Variants in FGD4 observed in about 807,000 individuals in gnomAD.
FGD4 encodes FYVE, RhoGEF and PH domain-containing protein 4.
A neutral mutation model predicts 102.0 loss-of-function variants in FGD4; 42 were observed. That is an observed-to-expected ratio of 0.41 (90% CI 0.32 to 0.53). The LOEUF is 0.53. Among genes scored for constraint, FGD4 ranks in the 20% least tolerant of loss-of-function variants. The pLI, the probability that FGD4 is intolerant of heterozygous loss-of-function variation, is 0.21. For missense variants in FGD4, 902 were observed against 1,078.2 expected (o/e 0.84, Z 2.29); for synonymous variants, 380 against 375.7 (o/e 1.01, Z -0.13).
intron 1 of FGD4, among the ~76,000 whole-genome samples, chr12:32,541,938 A>G (rs1019833513): frequency 2.0e-5 from 3 of 149,952 alleles, no homozygotes; most frequent in African/African-American, 7.5e-5. Flanking sequence ...AGTTTTAGTA[A>G]TCCACCCTGC....
intron 3 of FGD4, among the ~76,000 whole-genome samples, chr12:32,581,646 G>A (rs1177701238): frequency 1.3e-5 from 2 of 152,066 alleles, no homozygotes; most frequent in East Asian, 3.8e-4. Flanking sequence ...ATTAAACAGT[G>A]CAAGGATCAA....
intron 3 of FGD4, among the ~76,000 whole-genome samples, chr12:32,578,830 TA>T (rs552651115): frequency 1.3e-3 from 180 of 142,006 alleles, no homozygotes; most frequent in Non-Finnish European, 1.2e-3. Context: ...GACCCTGCCT[TA>T]AAAAAAAAAA....
At chr12:32,460,536 T>G (rs1591944998) in intron 1 of FGD4, among the ~76,000 whole-genome samples, 1 of 151,874 alleles carries the variant, frequency 6.6e-6, no homozygotes. Context: ...AAGCTATTTT[T>G]GAGTATTTTA....
chr12:32,570,272 A>C (rs1191027640), intron 2 of FGD4, among the ~76,000 whole-genome samples: 1 of 150,108 alleles, frequency 6.7e-6, no homozygotes. Flanking sequence ...AGAAATGCTA[A>C]AATTCTAGTC....
At chr12:32,406,113 T>C (rs1355044519) in intron 1 of FGD4, among the ~76,000 whole-genome samples, 1 of 152,006 alleles carries the variant, frequency 6.6e-6, no homozygotes, top group Non-Finnish European at 1.5e-5. Flanking sequence ...CTGGCTAATT[T>C]TGTATTTTTA....
chr12:32,520,553 A>T (rs1349355385), intron 1 of FGD4, among the ~76,000 whole-genome samples: 2 of 151,130 alleles, frequency 1.3e-5, no homozygotes, highest in African/African-American at 4.9e-5. Flanking sequence ...CTCCTCCCTC[A>T]GCCTCCTGAG....
intron 10 of FGD4, among the ~76,000 whole-genome samples, chr12:32,613,572 C>G (rs1949277344): frequency 6.6e-6 from 1 of 152,010 alleles, no homozygotes; most frequent in South Asian, 2.1e-4. Context: ...GGGTAACATA[C>G]AGAGACCTCC....
At chr12:32,542,813 A>G (rs968829021) in intron 1 of FGD4, among the ~76,000 whole-genome samples, 1 of 152,154 alleles carries the variant, frequency 6.6e-6, no homozygotes, top group South Asian at 2.1e-4. Context: ...TAAATAATTT[A>G]CTTTTGATTT....
intron 4 of FGD4, chr12:32,582,991 A>G (rs1592297247): frequency 6.5e-6 from 1 of 153,616 alleles, no homozygotes. Flanking sequence ...TTTCTAATTA[A>G]TACCCAATTT....
intron 1 of FGD4, among the ~76,000 whole-genome samples, chr12:32,451,690 C>T (rs906468684): frequency 2.0e-5 from 3 of 151,438 alleles, no homozygotes; most frequent in African/African-American, 4.9e-5. Context: ...GTGGATCACC[C>T]GAGGTCAGGA....
At chr12:32,510,856 G>T (rs1939289852) in intron 1 of FGD4, among the ~76,000 whole-genome samples, 1 of 152,208 alleles carries the variant, frequency 6.6e-6, no homozygotes, top group Non-Finnish European at 1.5e-5. Context: ...GTTCTGTTGG[G>T]AATATAGAAT....
intron 2 of FGD4, among the ~76,000 whole-genome samples, chr12:32,575,465 A>G (rs1946051091): frequency 1.3e-5 from 2 of 152,182 alleles, no homozygotes; most frequent in African/African-American, 4.8e-5. Context: ...GCAAGAACCT[A>G]TTCACTATGG....
chr12:32,539,525 C>T (rs779733201), intron 1 of FGD4, among the ~76,000 whole-genome samples: 6 of 151,206 alleles, frequency 4.0e-5, no homozygotes, highest in Non-Finnish European at 7.4e-5. Context: ...GCTGAGATCG[C>T]GCCATTGCAC....
At chr12:32,429,150 T>C (rs934690191) in intron 1 of FGD4, among the ~76,000 whole-genome samples, 3 of 152,246 alleles carry the variant, frequency 2.0e-5, no homozygotes, top group Admixed American at 6.5e-5. Context: ...TTTTTCCTCA[T>C]CTTCATGAAT....
chr12:32,571,801 C>T (rs1945689879), intron 2 of FGD4, among the ~76,000 whole-genome samples: 1 of 152,056 alleles, frequency 6.6e-6, no homozygotes, highest in African/African-American at 2.4e-5. Flanking sequence ...CCTTACCAAG[C>T]TTACAATGGA....
At chr12:32,531,020 C>T (rs1363140499) in intron 1 of FGD4, among the ~76,000 whole-genome samples, 3 of 130,986 alleles carry the variant, frequency 2.3e-5, no homozygotes, top group East Asian at 4.7e-4. Context: ...GGTGCGATCG[C>T]GGCTCACTGC....
At chr12:32,401,850 C>T (rs1239841463) in intron 1 of FGD4, among the ~76,000 whole-genome samples, 4 of 150,890 alleles carry the variant, frequency 2.7e-5, no homozygotes, top group African/African-American at 4.9e-5. Context: ...TCTCAGCCTC[C>T]CGAGTAGCTG....
chr12:32,580,229 C>G (rs1202650618), intron 3 of FGD4, among the ~76,000 whole-genome samples: 3 of 152,050 alleles, frequency 2.0e-5, no homozygotes, highest in African/African-American at 7.2e-5. Flanking sequence ...ATTTCTAAGC[C>G]TAGATTTCTC....
At chr12:32,476,503 C>G (rs1438120333) in intron 1 of FGD4, among the ~76,000 whole-genome samples, 1 of 152,092 alleles carries the variant, frequency 6.6e-6, no homozygotes, top group South Asian at 2.1e-4. Context: ...CAACTGGGAC[C>G]TTAATTCTCC....
Sources: allele counts gnomAD v4.1 joint callset (sites outside exome capture counted in the v4.1 genomes callset), GRCh38; gene constraint gnomAD v4.1.1; transcripts MANE v1.5; gene names NCBI Gene and HGNC (gene_info 2026-07-23, HGNC 2026-07-21).